Variants in CDH18 observed in about 807,000 individuals in gnomAD.
CDH18 encodes the protein cadherin-18.
CDH18 carries 31 observed loss-of-function variants against 67.9 expected under a neutral mutation model. That is an observed-to-expected ratio of 0.46 (90% CI 0.34 to 0.62). The LOEUF is 0.62. Among genes scored for constraint, CDH18 ranks in the 20% least tolerant of loss-of-function variants. The probability of loss-of-function intolerance (pLI) is 0.01; values close to 1 mark genes in which losing one functional copy is unlikely to be tolerated. For missense variants in CDH18, 890 were observed against 975.5 expected, an observed-to-expected ratio of 0.91 and a Z score of 1.17; for synonymous variants, 362 against 347.2, an observed-to-expected ratio of 1.04 and a Z score of -0.48.
intron 2 of CDH18, among the ~76,000 whole-genome samples, chr5:19,885,008 C>T (rs938923597): frequency 1.3e-5 from 2 of 152,082 alleles, no homozygotes; most frequent in Non-Finnish European, 2.9e-5. Context: ...TGAGATGTTA[C>T]GGCAGTTCAA....
rs994270176 is a variant in CDH18, at chr5:20,420,153, C to T, written c.-580+155309G>A. Among the ~76,000 whole-genome samples, 66 of 151,138 alleles carry T rather than the reference C, an allele frequency of 4.4e-4. 2 individuals are homozygous for T. The highest frequency in any genetic ancestry group is 1.6e-3 in the African/African-American group (63 of 40,490). On this transcript the variant is annotated intron_variant, in intron 1 of 14. Coordinates refer to the CDH18 transcript ENST00000507958. ...TTAACACCAGAACAGTGGTAAGACG[C>T]GATACAATCAGTGAATGTCATGTGG...
In CDH18 at chr5:19,617,612, A is replaced by C. The variant is rs997781995; in HGVS notation, c.644-5011T>G. 3.3e-5 allele frequency among the ~76,000 whole-genome samples: 5 copies of C among 152,316 alleles called. No homozygotes were observed. In the South Asian group the frequency reaches 1.0e-3, roughly 32 times the overall value. ...TGTTTGTTGGAAAGGCTTCACTGGC[A>C]ATGTTTACTTCAAAAATTTTAACTT... On this transcript the variant is annotated intron_variant, in intron 5 of 12. Transcript: ENST00000382275.
At chr5:20,109,702 ATTTTTT>A (rs1747286959) in intron 2 of CDH18, among the ~76,000 whole-genome samples, 1 of 152,090 alleles carries the variant, frequency 6.6e-6, no homozygotes, top group Non-Finnish European at 1.5e-5. Flanking sequence ...CAGCACAGTC[ATTTTTT>A]GCTTATTTAA....
At chr5:20,455,181 G>A (rs867473949) in intron 1 of CDH18, among the ~76,000 whole-genome samples, 1 of 151,992 alleles carries the variant, frequency 6.6e-6, no homozygotes, top group South Asian at 2.1e-4. Context: ...CATTAAGAAC[G>A]AGCTGATGGA....
rs376923998 is a variant in CDH18 at position 19,493,341 on chromosome 5, A to C, written c.1630+9651T>G. ...TTTAAATAACTGCTGTATACCCAGC[A>C]GACAGTACATAACACTGGAAAAATT... On this transcript the variant is annotated intron_variant, in intron 11 of 12. Transcript: ENST00000382275. Among the ~76,000 whole-genome samples, 10 of 152,334 alleles carry C rather than the reference A, an allele frequency of 6.6e-5. No individual in the cohort carries two copies. The East Asian group carries it at 1.2e-3, about 18-fold the overall frequency.
rs527407109 is a variant in CDH18 at position 19,769,003 on chromosome 5, T to C, written c.229-21767A>G. ...AACAGCAACATTGACAAGAGGTCAA[T>C]TGAGATTATTCAGTCTAATAAAGAG... On this transcript the variant is annotated intron_variant, in intron 3 of 12. Coordinates refer to ENST00000382275, the MANE Select transcript of CDH18 (RefSeq NM_004934.5). Among the ~76,000 whole-genome samples the C allele has an allele frequency of 4.6e-5, 7 of 151,978 alleles. No individual in the cohort carries two copies. The South Asian group carries it at 6.2e-4, about 14-fold the overall frequency.
chr5:20,049,364 T>C (rs1437553919), intron 2 of CDH18, among the ~76,000 whole-genome samples: 1 of 147,922 alleles, frequency 6.8e-6, no homozygotes, highest in Admixed American at 6.7e-5. Context: ...AGGTGGAGAG[T>C]GGGAGGAGGG....
At chr5:20,189,525 AAC>A (rs1422749377) in intron 2 of CDH18, among the ~76,000 whole-genome samples, 1 of 152,044 alleles carries the variant, frequency 6.6e-6, no homozygotes, top group Non-Finnish European at 1.5e-5. Flanking sequence ...CACACATACA[AAC>A]ACACACACTT....
chr5:20,155,033 A>T (rs998019996), intron 2 of CDH18, among the ~76,000 whole-genome samples: 3 of 152,138 alleles, frequency 2.0e-5, no homozygotes, highest in Non-Finnish European at 4.4e-5. Flanking sequence ...CTATAAACAG[A>T]CCTTGCAAAT....
chr5:19,544,128 T>C, intron 8 of CDH18, 123 bp from the exon 9 acceptor site: 1 of 414,756 alleles, frequency 2.4e-6, no homozygotes, highest in Non-Finnish European at 4.2e-6. Flanking sequence ...CTATATTTGA[T>C]TACATGGCAA....
chr5:19,924,682 G>A (rs1241902690), intron 2 of CDH18, among the ~76,000 whole-genome samples: 1 of 152,082 alleles, frequency 6.6e-6, no homozygotes, highest in Non-Finnish European at 1.5e-5. Flanking sequence ...TTGACTAATA[G>A]GACATTAGGA....
chr5:19,532,108 G>A (rs760344542), intron 9 of CDH18, among the ~76,000 whole-genome samples: 3 of 152,120 alleles, frequency 2.0e-5, no homozygotes, highest in Non-Finnish European at 4.4e-5. Context: ...GTTAACAAGA[G>A]TGATGTATTC....
At chr5:20,513,179 A>G (rs1264460636) in intron 1 of CDH18, among the ~76,000 whole-genome samples, 1 of 152,202 alleles carries the variant, frequency 6.6e-6, no homozygotes, top group Admixed American at 6.5e-5. Context: ...CAGTTATAAT[A>G]AAGTGGAGAG....
At chr5:20,034,318 T>G (rs1443546525) in intron 2 of CDH18, among the ~76,000 whole-genome samples, 1 of 152,034 alleles carries the variant, frequency 6.6e-6, no homozygotes, top group Non-Finnish European at 1.5e-5. Context: ...ACCCCCTGTT[T>G]ATTTAAAATT....
rs760777430 is a variant in CDH18, at chr5:19,994,855, T to TATATATATATATATATAGAGAG, written c.-517-2842_-517-2841insCTCTCTATATATATATATATAT. 1.5e-4 allele frequency among the ~76,000 whole-genome samples: 10 copies of TATATATATATATATATAGAGAG among 67,586 alleles called. 2 individuals carry two copies. The highest frequency in any genetic ancestry group is 2.0e-4 in the Non-Finnish European group (8 of 39,466). 44.3% of individuals were successfully genotyped at this position (67,586 alleles called of 152,430 possible). A position where few individuals can be genotyped will look rare whatever the true frequency, so the allele number is the denominator to read the frequency against. On this transcript the variant is annotated intron_variant, in intron 2 of 14. Coordinates refer to the CDH18 transcript ENST00000507958. ...ATATATATATATATATATATATATA[T>TATATATATATATATATAGAGAG]AGAGAGAGAGAGAGAGAGAGAGATG...
At chr5:19,962,591 T>C (rs6878630) in intron 2 of CDH18, among the ~76,000 whole-genome samples, 2 of 151,502 alleles carry the variant, frequency 1.3e-5, no homozygotes. Context: ...TTGGCCAACA[T>C]GGTGAAACCC....
At chr5:19,755,460 C>CACATATATAT (rs1771459532) in intron 3 of CDH18, among the ~76,000 whole-genome samples, 4 of 21,890 alleles carry the variant, frequency 1.8e-4, no homozygotes, top group Non-Finnish European at 3.3e-4. Context: ...TATATATATA[C>CACATATATAT]ACACACACAC....
At chr5:20,242,355 A>T (rs1742993959) in intron 2 of CDH18, among the ~76,000 whole-genome samples, 1 of 151,380 alleles carries the variant, frequency 6.6e-6, no homozygotes, top group Non-Finnish European at 1.5e-5. Context: ...TTATTACAAC[A>T]TCTCCCTTTT....
intron 2 of CDH18, among the ~76,000 whole-genome samples, chr5:19,883,444 A>ATC (rs1787877652): frequency 6.8e-6 from 1 of 146,972 alleles, no homozygotes. Flanking sequence ...CTACATCAAC[A>ATC]TTTTTTTTTT....
Sources: allele counts gnomAD v4.1 joint callset (sites outside exome capture counted in the v4.1 genomes callset), GRCh38; gene constraint gnomAD v4.1.1; transcripts MANE v1.5; gene names NCBI Gene and HGNC (gene_info 2026-07-23, HGNC 2026-07-21).